TOP6BL: variants seen among roughly 807,000 people sequenced by gnomAD.
The protein encoded by TOP6BL is TOP6B like initiator of meiotic double strand breaks.
chr11:66,793,723 G>T, the TOP6BL span, among the ~76,000 whole-genome samples: 1 of 152,150 alleles, frequency 6.6e-6, no homozygotes, highest in Non-Finnish European at 1.5e-5. Context: ...TGGGATTACA[G>T]GTGTGAGCCA....
the TOP6BL span, chr11:66,828,120 C>T: frequency 8.3e-6 from 5 of 603,480 alleles, no homozygotes; most frequent in Non-Finnish European, 1.5e-5. Flanking sequence ...TTCTCTACTG[C>T]CTTCATGAAA....
At chr11:66,804,091 C>G in the TOP6BL span, 2 of 1,613,954 alleles carry the variant, frequency 1.2e-6, no homozygotes, top group South Asian at 2.2e-5. Flanking sequence ...ACGTGGCTGG[C>G]ATGGACTTGT....
chr11:66,766,629 G>C, the TOP6BL span, among the ~76,000 whole-genome samples: 21 of 152,160 alleles, frequency 1.4e-4, no homozygotes, highest in African/African-American at 5.1e-4. Flanking sequence ...CCAAAGTTCA[G>C]TCACCAATGT....
At chr11:66,808,873 GAAGA>G in the TOP6BL span, among the ~76,000 whole-genome samples, 1 of 151,802 alleles carries the variant, frequency 6.6e-6, no homozygotes, top group Non-Finnish European at 1.5e-5. Flanking sequence ...TCCAAAAAGA[GAAGA>G]GAGAAGAGAA....
At chr11:66,808,977 G>A in the TOP6BL span, among the ~76,000 whole-genome samples, 1 of 152,046 alleles carries the variant, frequency 6.6e-6, no homozygotes, top group African/African-American at 2.4e-5. Flanking sequence ...ACGGAGTCTC[G>A]CTCCGTCGCC....
At chr11:66,811,316 C>T in the TOP6BL span, among the ~76,000 whole-genome samples, 4 of 152,108 alleles carry the variant, frequency 2.6e-5, no homozygotes, top group Non-Finnish European at 2.9e-5. Context: ...TTCAGCCTCC[C>T]GAGTAGCTGG....
chr11:66,753,359 G>GA, the TOP6BL span, among the ~76,000 whole-genome samples: 24 of 151,694 alleles, frequency 1.6e-4, no homozygotes, highest in African/African-American at 5.6e-4. Context: ...GTAGGCTCGG[G>GA]AATTGGTATG....
At chr11:66,784,585 C>T in the TOP6BL span, among the ~76,000 whole-genome samples, 77 of 152,352 alleles carry the variant, frequency 5.1e-4, no homozygotes, top group Non-Finnish European at 8.4e-4. Context: ...AATCTACTTT[C>T]TGTCTCTGTC....
At chr11:66,811,523 C>T in the TOP6BL span, among the ~76,000 whole-genome samples, 1 of 152,094 alleles carries the variant, frequency 6.6e-6, no homozygotes, top group Non-Finnish European at 1.5e-5. Context: ...GCTTAGGGTT[C>T]ATTGATCATG....
chr11:66,833,175 A>C, the TOP6BL span, among the ~76,000 whole-genome samples: 1 of 150,518 alleles, frequency 6.6e-6, no homozygotes, highest in African/African-American at 2.5e-5. Context: ...CAGCCTCCCG[A>C]GTAGCTGGGA....
chr11:66,805,445 A>G, the TOP6BL span, among the ~76,000 whole-genome samples: 1 of 151,962 alleles, frequency 6.6e-6, no homozygotes, highest in African/African-American at 2.4e-5. Flanking sequence ...TACAGAGAGA[A>G]AGTTGATGGA....
the TOP6BL span, chr11:66,821,502 C>T: frequency 1.2e-6 from 1 of 836,140 alleles, no homozygotes; most frequent in Admixed American, 2.7e-5. Context: ...GTCTCGATCT[C>T]CTGACCTCGT....
chr11:66,756,338 T>C, the TOP6BL span: 267 of 1,036,546 alleles, frequency 2.6e-4, no homozygotes, highest in African/African-American at 2.8e-3. Flanking sequence ...TTTTCCCCCC[T>C]TTTTTTTTTC....
chr11:66,749,176 C>T, the TOP6BL span, among the ~76,000 whole-genome samples: 1 of 152,092 alleles, frequency 6.6e-6, no homozygotes, highest in Non-Finnish European at 1.5e-5. Flanking sequence ...CTAGGCTTTA[C>T]AAGACATTTG....
the TOP6BL span, among the ~76,000 whole-genome samples, chr11:66,751,960 A>G: frequency 6.6e-6 from 1 of 152,138 alleles, no homozygotes; most frequent in Non-Finnish European, 1.5e-5. Context: ...CAGATAATAT[A>G]TCAGTTTCAT....
At chr11:66,838,299 C>T in the TOP6BL span, 2 of 1,405,060 alleles carry the variant, frequency 1.4e-6, no homozygotes, top group Non-Finnish European at 2.0e-6. Flanking sequence ...CCACCAGGCA[C>T]ACTCCTGTTT....
At chr11:66,759,507 A>G in the TOP6BL span, among the ~76,000 whole-genome samples, 1 of 152,248 alleles carries the variant, frequency 6.6e-6, no homozygotes, top group Non-Finnish European at 1.5e-5. Flanking sequence ...ATGATTGGCT[A>G]GCAGTAATAA....
chr11:66,806,503 C>G, the TOP6BL span, among the ~76,000 whole-genome samples: 1 of 152,186 alleles, frequency 6.6e-6, no homozygotes, highest in Admixed American at 6.5e-5. Flanking sequence ...CACGGTGGCT[C>G]ATGCCTGTAA....
the TOP6BL span, among the ~76,000 whole-genome samples, chr11:66,812,560 G>A: frequency 1.5e-3 from 235 of 152,150 alleles, 4 homozygotes; most frequent in Admixed American, 0.015. Context: ...GATTTGTGAG[G>A]GAGACTTCAT....
Sources: allele counts gnomAD v4.1 joint callset (sites outside exome capture counted in the v4.1 genomes callset), GRCh38; gene constraint gnomAD v4.1.1; transcripts MANE v1.5; gene names NCBI Gene and HGNC (gene_info 2026-07-23, HGNC 2026-07-21).